The following AUTS2 variants were observed in gnomAD, a reference collection of about 807,000 sequenced individuals.
The protein encoded by AUTS2 is autism susceptibility gene 2 protein.
A neutral mutation model predicts 112.4 loss-of-function variants in AUTS2; 17 were observed. The observed-to-expected ratio is 0.15, with a 90% CI of 0.10 to 0.23. The LOEUF is 0.23. AUTS2 is among the 10% of genes least tolerant of loss of function. The probability of loss-of-function intolerance (pLI) is 1.00; values close to 1 mark genes in which losing one functional copy is unlikely to be tolerated. For missense variants in AUTS2, 1,510 were observed against 1,701.6 expected (o/e 0.89, Z 1.98); for synonymous variants, 751 against 702.7 (o/e 1.07, Z -1.09).
rs928315086 is a variant in AUTS2 at position 69,629,515 on chromosome 7, A to G, written c.309+29553A>G. ...GCTGGTTCTCTTCAGCACCCAAGCCATATTGCTGGGGATAAGGAAGACATT... is the reference window on the plus strand; with the variant it reads ...GCTGGTTCTCTTCAGCACCCAAGCCGTATTGCTGGGGATAAGGAAGACATT... On this transcript the variant is annotated intron_variant, in intron 1 of 18. Coordinates refer to ENST00000342771, the MANE Select transcript of AUTS2 (RefSeq NM_015570.4). 2.0e-4 allele frequency among the ~76,000 whole-genome samples: 30 copies of G among 152,146 alleles called. 1 individual carries two copies. The highest frequency in any genetic ancestry group is 6.2e-4 in the South Asian group (3 of 4,824).
intron 1 of AUTS2, among the ~76,000 whole-genome samples, chr7:69,681,957 C>T (rs2129169165): frequency 6.6e-6 from 1 of 152,226 alleles, no homozygotes; most frequent in South Asian, 2.1e-4. Flanking sequence ...GATGTGTGAC[C>T]TTGGAGAATG....
intron 2 of AUTS2, among the ~76,000 whole-genome samples, chr7:70,058,443 C>T (rs998208663): frequency 6.6e-5 from 10 of 152,282 alleles, no homozygotes; most frequent in Admixed American, 1.3e-4. Context: ...TGTACCCCCC[C>T]GCTACGCATA....
chr7:70,567,179 A>G (rs929807707), intron 5 of AUTS2, among the ~76,000 whole-genome samples: 1 of 152,366 alleles, frequency 6.6e-6, no homozygotes, highest in African/African-American at 2.4e-5. Flanking sequence ...CAACTGGCCA[A>G]TGAAACCCTT....
At chr7:69,699,864 C>CA (rs1163896650) in intron 1 of AUTS2, among the ~76,000 whole-genome samples, 2 of 152,098 alleles carry the variant, frequency 1.3e-5, no homozygotes, top group African/African-American at 4.8e-5. Flanking sequence ...AGGCTTGTCT[C>CA]AGACTCCTGA....
Position 69,905,648 on chromosome 7 carries a change from A to G in AUTS2, c.522+6150A>G, listed in dbSNP as rs1795121779. On this transcript the variant is annotated intron_variant, in intron 2 of 18. Coordinates refer to ENST00000342771, the MANE Select transcript of AUTS2 (RefSeq NM_015570.4). ...GATTGCATGGTGCCTGCCCACATGG[A>G]GGGCAGATCCTTCCCTACTTAGTTC... 3.9e-5 allele frequency among the ~76,000 whole-genome samples: 6 copies of G among 152,094 alleles called. No individual in the cohort carries two copies. The South Asian group carries it at 1.0e-3, about 26-fold the overall frequency.
chr7:70,035,787 C>T (rs777955703), intron 2 of AUTS2, among the ~76,000 whole-genome samples: 4 of 152,182 alleles, frequency 2.6e-5, no homozygotes, highest in Non-Finnish European at 5.9e-5. Context: ...TCTTACCACA[C>T]TCTTGTCTTT....
intron 4 of AUTS2, among the ~76,000 whole-genome samples, chr7:70,273,197 C>CA (rs1360770928): frequency 6.6e-6 from 1 of 152,132 alleles, no homozygotes; most frequent in Non-Finnish European, 1.5e-5. Context: ...GTGCCTGCCA[C>CA]AACACCTGGC....
At chr7:70,577,613 G>GT (rs527343767) in intron 5 of AUTS2, among the ~76,000 whole-genome samples, 107 of 152,256 alleles carry the variant, frequency 7.0e-4, no homozygotes, top group African/African-American at 2.5e-3. Context: ...GTCATTTTGG[G>GT]TTGATCAACA....
At chr7:70,604,210 A>G (rs1803615276) in intron 5 of AUTS2, among the ~76,000 whole-genome samples, 1 of 152,192 alleles carries the variant, frequency 6.6e-6, no homozygotes, top group Non-Finnish European at 1.5e-5. Flanking sequence ...TTACCTTTTT[A>G]TATCCGCACA....
intron 5 of AUTS2, among the ~76,000 whole-genome samples, chr7:70,528,583 G>A (rs1455582650): frequency 3.3e-5 from 5 of 152,036 alleles, no homozygotes; most frequent in African/African-American, 1.2e-4. Flanking sequence ...TCGGAGAGGT[G>A]AGCAAGGATC....
intron 1 of AUTS2, among the ~76,000 whole-genome samples, chr7:69,727,703 G>GT (rs1786585025): frequency 6.6e-6 from 1 of 152,212 alleles, no homozygotes; most frequent in East Asian, 1.9e-4. Flanking sequence ...TGTCATCCCA[G>GT]TATCACACTG....
intron 4 of AUTS2, among the ~76,000 whole-genome samples, chr7:70,329,292 C>T (rs1393390634): frequency 1.3e-5 from 2 of 152,016 alleles, no homozygotes; most frequent in Admixed American, 1.3e-4. Context: ...TGCATATATA[C>T]CTAGGAGTGG....
intron 1 of AUTS2, among the ~76,000 whole-genome samples, chr7:69,799,753 CT>C (rs1156893175): frequency 6.6e-6 from 1 of 152,102 alleles, no homozygotes; most frequent in Non-Finnish European, 1.5e-5. Flanking sequence ...GTGCCTCAGT[CT>C]TTTTTTCCTC....
intron 5 of AUTS2, among the ~76,000 whole-genome samples, chr7:70,464,854 T>C (rs1797111098): frequency 6.6e-6 from 1 of 152,200 alleles, no homozygotes; most frequent in African/African-American, 2.4e-5. Context: ...CTGGGATTTC[T>C]TTATTGTTTA....
At chr7:70,777,261 T>G in intron 14 of AUTS2, 87 bp downstream of exon 14, 1 of 1,208,396 alleles carries the variant, frequency 8.3e-7, no homozygotes, top group Admixed American at 1.8e-5. Flanking sequence ...AAGGAGGCAT[T>G]TAAAACACAT....
intron 1 of AUTS2, among the ~76,000 whole-genome samples, chr7:69,645,989 C>G (rs1176552050): frequency 4.1e-5 from 6 of 147,296 alleles, no homozygotes; most frequent in Non-Finnish European, 7.5e-5. Flanking sequence ...TTTTTTTCTC[C>G]TTCTTCCCCT....
chr7:70,166,284 AT>A, intron 4 of AUTS2, among the ~76,000 whole-genome samples: 1 of 152,298 alleles, frequency 6.6e-6, no homozygotes, highest in Middle Eastern at 3.4e-3. Flanking sequence ...GTTGTAAAAA[AT>A]TTTTTTAAAT....
intron 1 of AUTS2, among the ~76,000 whole-genome samples, chr7:69,666,183 C>G (rs17351490): frequency 0.066 from 9,976 of 152,172 alleles, 472 homozygotes; most frequent in Non-Finnish European, 0.1. Context: ...TACGTACACA[C>G]AGTCATACAC....
chr7:70,206,682 G>A (rs1810591269), intron 4 of AUTS2, among the ~76,000 whole-genome samples: 1 of 152,090 alleles, frequency 6.6e-6, no homozygotes. Context: ...CTGTTCCCTG[G>A]GCCTACACTG....
Sources: gnomAD v4.1 joint callset for allele counts (sites outside exome capture counted in the v4.1 genomes callset) on GRCh38, gnomAD v4.1.1 for gene constraint, MANE v1.5 for transcripts, NCBI Gene and HGNC (gene_info 2026-07-23, HGNC 2026-07-21) for gene names.